Variants in HAPLN2 observed in about 807,000 individuals in gnomAD.
HAPLN2 encodes hyaluronan and proteoglycan link protein 2.
A neutral mutation model predicts 29.3 loss-of-function variants in HAPLN2; 27 were observed. The ratio of observed to expected loss-of-function variants is 0.92; its 90% confidence interval spans 0.68 to 1.27. The LOEUF (loss-of-function observed/expected upper bound fraction) is 1.27. HAPLN2 is among the 50% of genes most tolerant of loss of function. The pLI, the probability that HAPLN2 is intolerant of heterozygous loss-of-function variation, is 0.00. For missense variants in HAPLN2, 454 were observed against 484.3 expected (o/e 0.94, Z 0.59); for synonymous variants, 208 against 211.7 (o/e 0.98, Z 0.15).
At chr1:156,605,716 C>G in the HAPLN2 span, among the ~76,000 whole-genome samples, 1 of 151,434 alleles carries the variant, frequency 6.6e-6, no homozygotes, top group South Asian at 2.1e-4. Context: ...AAGCTACAGA[C>G]TGTGGGGTTT....
At chr1:156,623,049 T>TAAAAAAAAAAAA (rs200510721) in intron 2 of HAPLN2, among the ~76,000 whole-genome samples, 1 of 105,584 alleles carries the variant, frequency 9.5e-6, no homozygotes, top group South Asian at 4.3e-4. Flanking sequence ...AATAAATAAA[T>TAAAAAAAAAAAA]AAATAAATAA....
In HAPLN2 at chr1:156,623,409, G is replaced by C. The variant is rs896064099; in HGVS notation, c.-24-58G>C. The C allele has an allele frequency of 3.5e-6, 5 of 1,441,184 alleles. No homozygotes were observed. In the African/African-American group the frequency reaches 5.6e-5, roughly 16 times the overall value. The allele number at this position is 1,441,184 out of a possible 1,614,324, so 89.3% of individuals were successfully genotyped here. On this transcript the variant is annotated intron_variant, in intron 2 of 6. Transcript: ENST00000255039. ...CTGATGGGAGTTCACCCACAACCCT[G>C]CTCTTCCCCACCCTTTTGCCCCAGT...
chr1:156,607,852 C>T, the HAPLN2 span, among the ~76,000 whole-genome samples: 1 of 151,930 alleles, frequency 6.6e-6, no homozygotes, highest in Non-Finnish European at 1.5e-5. Flanking sequence ...GTTGTGGTTG[C>T]AATGAGTGTG....
intron 2 of HAPLN2, among the ~76,000 whole-genome samples, chr1:156,623,251 G>C (rs545242930): frequency 1.8e-4 from 28 of 152,058 alleles, no homozygotes; most frequent in African/African-American, 6.5e-4. Context: ...TGCAGGCTGA[G>C]AGGATGTGAC....
At chr1:156,607,063 G>T in the HAPLN2 span, among the ~76,000 whole-genome samples, 2 of 152,078 alleles carry the variant, frequency 1.3e-5, no homozygotes, top group African/African-American at 4.8e-5. Flanking sequence ...AAATCCCATT[G>T]TCATGGTCCC....
chr1:156,624,719 C>G lies in HAPLN2; in HGVS notation c.675C>G (p.Ser225Arg). The change falls in exon 6 of 7, where the codon AGC becomes AGG. Residue 225 changes from serine to arginine, a missense_variant. This residue lies in a region of HAPLN2 where 235 missense variants were observed against 236.9 expected (regional missense o/e 0.99). Coordinates refer to ENST00000255039, the MANE Select transcript of HAPLN2 (RefSeq NM_021817.3). ...CGGRGRPGIR[S>R]YGPRDRMRDR... is the part of the protein sequence containing the mutation. ...GCCGAGGCCGGCCCGGGATCCGCAG[C>G]TACGGACCCCGCGACCGGATGCGCG... 1 of 1,579,746 alleles carries G rather than the reference C, an allele frequency of 6.3e-7. No homozygotes were observed. The highest frequency in any genetic ancestry group is 8.6e-7 in the Non-Finnish European group (1 of 1,168,358).
chr1:156,620,442 T>C (rs554748193), intron 2 of HAPLN2, among the ~76,000 whole-genome samples: 1 of 152,330 alleles, frequency 6.6e-6, no homozygotes, highest in East Asian at 1.9e-4. Flanking sequence ...TGTAAAGTGC[T>C]TAGAGCAGTG....
At chr1:156,624,898 C>A in intron 6 of HAPLN2, 115 bp downstream of exon 6, 1 of 1,268,892 alleles carries the variant, frequency 7.9e-7, no homozygotes, top group Non-Finnish European at 1.1e-6. Context: ...CAAGGCACCG[C>A]CCCCCCATCA....
At chr1:156,621,262 G>A (rs1049416113) in intron 2 of HAPLN2, among the ~76,000 whole-genome samples, 2 of 151,678 alleles carry the variant, frequency 1.3e-5, no homozygotes, top group South Asian at 2.1e-4. Flanking sequence ...ATGCCACCAC[G>A]CCCAGCTGAA....
chr1:156,625,447 G>T lies in HAPLN2; in HGVS notation c.*63G>T. ...TTGGGAGTCGTGGCGGGGGTCTCTC[G>T]CCACCCCTTTCCGGAGAGCCTCCCC... On this transcript the variant is annotated 3_prime_UTR_variant, in exon 7 of 7. Coordinates refer to ENST00000255039, the MANE Select transcript of HAPLN2 (RefSeq NM_021817.3). The surrounding 1 kb of genome is among the most constrained non-coding windows in gnomAD (Gnocchi z 5.7). 1.4e-6 allele frequency: 2 copies of T among 1,461,176 alleles called. No individual in the cohort carries two copies. The highest frequency in any genetic ancestry group is 1.3e-5 in the South Asian group (1 of 74,580). 90.5% of individuals were successfully genotyped at this position (1,461,176 alleles called of 1,614,324 possible).
the HAPLN2 span, among the ~76,000 whole-genome samples, chr1:156,611,571 CAAAAAACA>C: frequency 2.4e-4 from 36 of 151,602 alleles, no homozygotes; most frequent in Non-Finnish European, 4.9e-4. Context: ...ATCTCAAAAA[CAAAAAACA>C]AAAAAACAAA....
At chr1:156,614,037 AAAG>A in the HAPLN2 span, among the ~76,000 whole-genome samples, 43 of 152,292 alleles carry the variant, frequency 2.8e-4, no homozygotes, top group African/African-American at 9.4e-4. Flanking sequence ...CTTTCACAGC[AAAG>A]AAGAACTCAT....
At position 156,624,101 on chromosome 1, in the gene HAPLN2, G is replaced by T. The variant is rs1246824628; in HGVS notation, c.380G>T (p.Arg127Leu). 1 of 1,613,588 alleles carries T rather than the reference G, an allele frequency of 6.2e-7. No individual in the cohort carries two copies. The highest frequency in any genetic ancestry group is 8.5e-7 in the Non-Finnish European group (1 of 1,179,902). The change falls in exon 4 of 7, where the codon CGC becomes CTC. Residue 127 changes from arginine (R) to leucine (L), a missense_variant. Physicochemically the swap from Arg to Leu is moderately radical, Grantham distance 102 (BLOSUM62 -2). Around this residue, in one of 3 missense-constraint regions of HAPLN2, gnomAD observed 204 missense variants for 209.2 expected, o/e 0.98. Transcript: ENST00000255039. Reference protein sequence around the residue: ...GVRLEDEGRYRCELINGIEDE... With the variant: ...GVRLEDEGRYLCELINGIEDE... ...CGCCTGGAGGACGAGGGCCGGTACC[G>T]CTGCGAGCTCATCAACGGCATCGAG...
At chr1:156,613,688 G>C in the HAPLN2 span, among the ~76,000 whole-genome samples, 1 of 151,972 alleles carries the variant, frequency 6.6e-6, no homozygotes, top group Non-Finnish European at 1.5e-5. Flanking sequence ...GGCCAAGGCG[G>C]GTAGATCACT....
chr1:156,624,589 G>C lies in HAPLN2; in HGVS notation c.557-12G>C. The stretch of plus-strand genomic sequence containing the variant: ...ACGCCTCTTATCCCCGACCTCCGCC[G>C]TCTCCCGCCAGCTTGGACCGAGGGT... On this transcript the variant is annotated splice_polypyrimidine_tract_variant and intron_variant, in intron 5 of 6. Coordinates refer to ENST00000255039, the MANE Select transcript of HAPLN2 (RefSeq NM_021817.3). 6.2e-7 allele frequency: 1 copy of C among 1,610,654 alleles called. No homozygotes were observed. The highest frequency in any genetic ancestry group is 8.5e-7 in the Non-Finnish European group (1 of 1,178,770).
the HAPLN2 span, among the ~76,000 whole-genome samples, chr1:156,612,241 C>T: frequency 2.0e-5 from 3 of 152,304 alleles, no homozygotes; most frequent in East Asian, 3.9e-4. Context: ...CCAGGCTGGT[C>T]TTGAACTCCC....
upstream of HAPLN2, chr1:156,614,823 G>A (rs1557972153): frequency 6.6e-6 from 1 of 152,232 alleles, no homozygotes; most frequent in Non-Finnish European, 1.5e-5. Flanking sequence ...AATATCAGCA[G>A]TGAATTGACC....
chr1:156,618,536 T>C (rs1343603563), upstream of HAPLN2, among the ~76,000 whole-genome samples: 4 of 151,696 alleles, frequency 2.6e-5, no homozygotes, highest in African/African-American at 7.3e-5. Flanking sequence ...TCCCAGCACT[T>C]TGGGAGGCCG....
chr1:156,624,747 C>A lies in HAPLN2; in HGVS notation c.703C>A (p.Arg235Ser). The A allele has an allele frequency of 6.5e-7, 1 of 1,546,062 alleles. No individual in the cohort carries two copies. Among genetic ancestry groups the A allele is most frequent in the East Asian group, 2.3e-5 (1 of 42,974 alleles). Residue 235 changes from arginine (R) to serine (S), a missense_variant, in exon 6 of 7, where the codon CGC becomes AGC. Coordinates refer to ENST00000255039, the MANE Select transcript of HAPLN2 (RefSeq NM_021817.3). ...SYGPRDRMRD[R>S]YDAFCFTSAL... ...CGGACCCCGCGACCGGATGCGCGACCGCTACGACGCCTTCTGCTTCACCTC... is the reference window on the plus strand; with the variant it reads ...CGGACCCCGCGACCGGATGCGCGACAGCTACGACGCCTTCTGCTTCACCTC...
Sources: allele counts gnomAD v4.1 joint callset (sites outside exome capture counted in the v4.1 genomes callset), GRCh38; gene constraint gnomAD v4.1.1; regional missense constraint gnomAD v4.1.1; non-coding constraint Gnocchi (gnomAD v3.1); transcripts MANE v1.5; gene names NCBI Gene and HGNC (gene_info 2026-07-23, HGNC 2026-07-21).